MEIS2: variants seen among roughly 807,000 people sequenced by gnomAD.
MEIS2 encodes the protein Meis homeobox 2.
Under a neutral mutation model 58.6 loss-of-function variants are expected in MEIS2, and 9 were observed. The observed-to-expected ratio is 0.15, with a 90% CI of 0.09 to 0.27. The LOEUF is 0.27. Ranked by LOEUF, MEIS2 falls within the 10% of genes least tolerant of loss-of-function variation. The probability of loss-of-function intolerance (pLI) is 1.00; values close to 1 mark genes in which losing one functional copy is unlikely to be tolerated. For synonymous variants in MEIS2, 221 were observed against 228.4 expected (o/e 0.97, Z 0.29); for missense variants, 427 against 635.0 (o/e 0.67, Z 3.52).
In MEIS2 at chr15:36,892,320, C is replaced by T; in HGVS notation, c.1287G>A (p.Leu429=). ...LRHGPPMHSY[L]PSHPHHPAMM... ...TGGCTGGGTGGTGGGGATGGCTTGG[C>T]AAATATGAATGCATTGGGGGTCCAT... The change falls in exon 12 of 12, where the codon TTG becomes TTA. Residue 429 remains leucine (L), a synonymous_variant. Transcript: ENST00000561208. 1 of 1,613,494 alleles carries T rather than the reference C, an allele frequency of 6.2e-7. No individual in the cohort carries two copies. The highest frequency in any genetic ancestry group is 8.5e-7 in the Non-Finnish European group (1 of 1,179,850).
At chr15:37,054,637 T>G (rs1037289471) in intron 7 of MEIS2, among the ~76,000 whole-genome samples, 2 of 152,162 alleles carry the variant, frequency 1.3e-5, no homozygotes, top group Non-Finnish European at 2.9e-5. Flanking sequence ...CAGGCTTGTC[T>G]CCAACTTGTG....
chr15:36,968,253 T>TA (rs1381707085), intron 8 of MEIS2, among the ~76,000 whole-genome samples: 13 of 152,314 alleles, frequency 8.5e-5, no homozygotes, highest in Non-Finnish European at 1.8e-4. Context: ...TCTGTGCTTC[T>TA]AAAAAAATCA....
intron 5 of MEIS2, chr15:37,094,070 T>C (rs1161660965): frequency 6.8e-6 from 2 of 295,934 alleles, no homozygotes; most frequent in African/African-American, 4.5e-5. Flanking sequence ...ACATTGGAGC[T>C]GGGGAGAGCA....
At chr15:37,020,897 T>C (rs1260015950) in intron 8 of MEIS2, among the ~76,000 whole-genome samples, 1 of 152,120 alleles carries the variant, frequency 6.6e-6, no homozygotes, top group Non-Finnish European at 1.5e-5. Flanking sequence ...AAATTTTGTG[T>C]GTTGAAACCC....
At chr15:37,057,326 T>C (rs78624426) in intron 7 of MEIS2, among the ~76,000 whole-genome samples, 3,959 of 152,206 alleles carry the variant, frequency 0.026, 169 homozygotes, top group African/African-American at 0.09. Context: ...CTCCTCAGAG[T>C]GCTGATCCAA....
intron 8 of MEIS2, among the ~76,000 whole-genome samples, chr15:37,032,290 T>G (rs1249882422): frequency 6.6e-6 from 1 of 152,124 alleles, no homozygotes; most frequent in Non-Finnish European, 1.5e-5. Context: ...AATATATTAT[T>G]TGCAGCACAA....
chr15:36,969,639 T>G (rs1354847138), intron 8 of MEIS2, among the ~76,000 whole-genome samples: 1 of 152,222 alleles, frequency 6.6e-6, no homozygotes, highest in Non-Finnish European at 1.5e-5. Flanking sequence ...CTTTTCTGAC[T>G]TCTAATTTCA....
chr15:37,098,296 A>G (rs1246618713), intron 1 of MEIS2, 97 bp from the exon 2 acceptor site: 1 of 1,419,174 alleles, frequency 7.0e-7, no homozygotes, highest in East Asian at 2.6e-5. Context: ...GAGGGCGAAC[A>G]GAAAAGAGAG....
At chr15:36,947,449 C>T (rs2058607683) in intron 9 of MEIS2, among the ~76,000 whole-genome samples, 1 of 151,998 alleles carries the variant, frequency 6.6e-6, no homozygotes, top group African/African-American at 2.4e-5. Flanking sequence ...GCTTATTGCT[C>T]TCATCAAGTG....
intron 7 of MEIS2, among the ~76,000 whole-genome samples, chr15:37,041,114 C>T (rs1485059006): frequency 1.3e-5 from 2 of 152,176 alleles, no homozygotes; most frequent in Non-Finnish European, 2.9e-5. Context: ...TGTTCTAAAT[C>T]CCCATCCTAG....
intron 7 of MEIS2, among the ~76,000 whole-genome samples, chr15:37,047,216 A>G (rs969078648): frequency 2.6e-5 from 4 of 152,212 alleles, no homozygotes; most frequent in Admixed American, 6.5e-5. Context: ...TTATTAAGGT[A>G]GAAGGCAGGG....
chr15:37,041,834 T>TA (rs1017310111), intron 7 of MEIS2, among the ~76,000 whole-genome samples: 1 of 151,692 alleles, frequency 6.6e-6, no homozygotes, highest in African/African-American at 2.4e-5. Context: ...AAAAAAAGCT[T>TA]AAAAAAAAGA....
At chr15:37,061,053 T>A (rs1889142087) in intron 7 of MEIS2, among the ~76,000 whole-genome samples, 1 of 152,156 alleles carries the variant, frequency 6.6e-6, no homozygotes, top group Non-Finnish European at 1.5e-5. Context: ...CATGGTTAGG[T>A]CCTGTACAGA....
chr15:36,949,160 G>A (rs1476767751), intron 9 of MEIS2, among the ~76,000 whole-genome samples: 1 of 151,352 alleles, frequency 6.6e-6, no homozygotes, highest in Non-Finnish European at 1.5e-5. Context: ...TCAGATAACG[G>A]CAGTTCCTGT....
At chr15:37,071,595 G>A (rs1890718338) in intron 7 of MEIS2, among the ~76,000 whole-genome samples, 1 of 151,900 alleles carries the variant, frequency 6.6e-6, no homozygotes, top group South Asian at 2.1e-4. Context: ...CTATGAATGA[G>A]GCATAAAATT....
At chr15:37,074,286 C>G (rs982958478) in intron 7 of MEIS2, among the ~76,000 whole-genome samples, 6 of 151,946 alleles carry the variant, frequency 3.9e-5, no homozygotes, top group African/African-American at 1.4e-4. Flanking sequence ...AAAATAAACT[C>G]TAATGCCTAG....
At chr15:36,955,943 T>C (rs2058947787) in intron 8 of MEIS2, among the ~76,000 whole-genome samples, 1 of 142,198 alleles carries the variant, frequency 7.0e-6, no homozygotes, top group Non-Finnish European at 1.5e-5. Flanking sequence ...TTTGGGAGGC[T>C]GAGGTGGGTG....
At chr15:37,020,410 G>A (rs2061486089) in intron 8 of MEIS2, among the ~76,000 whole-genome samples, 1 of 152,064 alleles carries the variant, frequency 6.6e-6, no homozygotes, top group African/African-American at 2.4e-5. Context: ...TGAACTCTAA[G>A]GAAAAGCAGC....
chr15:36,980,753 T>C (rs1449791278), intron 8 of MEIS2, among the ~76,000 whole-genome samples: 1 of 152,180 alleles, frequency 6.6e-6, no homozygotes, highest in East Asian at 1.9e-4. Flanking sequence ...AATGACATAA[T>C]CCATTTTGTT....
Sources: allele counts gnomAD v4.1 joint callset (sites outside exome capture counted in the v4.1 genomes callset), GRCh38; gene constraint gnomAD v4.1.1; transcripts MANE v1.5; gene names NCBI Gene and HGNC (gene_info 2026-07-23, HGNC 2026-07-21).